The following RBFOX1 variants were observed in gnomAD, a reference collection of about 807,000 sequenced individuals.
The protein encoded by RBFOX1 is RNA binding protein fox-1 homolog 1.
A neutral mutation model predicts 57.7 loss-of-function variants in RBFOX1; 8 were observed. The observed-to-expected ratio is 0.14, with a 90% CI of 0.08 to 0.25. The LOEUF is 0.25. RBFOX1 is among the 10% of genes least tolerant of loss of function. The pLI, the probability that RBFOX1 is intolerant of heterozygous loss-of-function variation, is 1.00. For missense variants in RBFOX1, 611 were observed against 548.5 expected, an observed-to-expected ratio of 1.11 and a Z score of -1.14; for synonymous variants, 326 against 222.4, an observed-to-expected ratio of 1.47 and a Z score of -4.15.
intron 1 of RBFOX1, among the ~76,000 whole-genome samples, chr16:6,151,715 C>G (rs2096799045): frequency 6.6e-6 from 1 of 152,192 alleles, no homozygotes; most frequent in South Asian, 2.1e-4. Context: ...TACACAGGCA[C>G]TGCTGTGAAC....
At chr16:6,614,526 C>A (rs1331679389) in intron 2 of RBFOX1, among the ~76,000 whole-genome samples, 1 of 152,178 alleles carries the variant, frequency 6.6e-6, no homozygotes, top group African/African-American at 2.4e-5. Context: ...GCTGCTGTAA[C>A]TGAGTATCAC....
chr16:7,218,973 C>G (rs1374117408), intron 4 of RBFOX1, among the ~76,000 whole-genome samples: 1 of 151,928 alleles, frequency 6.6e-6, no homozygotes, highest in Non-Finnish European at 1.5e-5. Flanking sequence ...ATTGCTGGTT[C>G]CAAAAAACTG....
At chr16:6,105,801 C>G (rs564219390) in intron 1 of RBFOX1, among the ~76,000 whole-genome samples, 4 of 152,022 alleles carry the variant, frequency 2.6e-5, no homozygotes, top group Admixed American at 1.3e-4. Flanking sequence ...TGTGAGAACT[C>G]AGGCACTTAA....
chr16:6,951,285 T>C (rs1427152718), intron 3 of RBFOX1, among the ~76,000 whole-genome samples: 1 of 152,088 alleles, frequency 6.6e-6, no homozygotes, highest in Admixed American at 6.5e-5. Context: ...TTCTGAGGGG[T>C]CAGTTTCAGC....
At chr16:7,001,447 TGTATATGTATAC>T (rs1178287912) in intron 3 of RBFOX1, among the ~76,000 whole-genome samples, 57 of 143,954 alleles carry the variant, frequency 4.0e-4, no homozygotes, top group Non-Finnish European at 6.3e-4. Flanking sequence ...TATATGTATA[TGTATATGTATAC>T]GTGTATGTAT....
chr16:7,205,159 G>T (rs184516168), intron 4 of RBFOX1, among the ~76,000 whole-genome samples: 1 of 152,080 alleles, frequency 6.6e-6, no homozygotes, highest in Non-Finnish European at 1.5e-5. Context: ...GAGAGACCAA[G>T]AAAAATAGTG....
chr16:5,943,941 TTCCATCCA>T (rs902519503), intron 4 of RBFOX1, among the ~76,000 whole-genome samples: 6 of 150,428 alleles, frequency 4.0e-5, no homozygotes, highest in Non-Finnish European at 7.4e-5. Flanking sequence ...TCCTTCTATT[TTCCATCCA>T]TCCATCCATC....
At chr16:5,858,700 A>G (rs1292801818) in intron 3 of RBFOX1, among the ~76,000 whole-genome samples, 1 of 152,250 alleles carries the variant, frequency 6.6e-6, no homozygotes, top group African/African-American at 2.4e-5. Flanking sequence ...GAAGAATTTT[A>G]AGAGACATTT....
At chr16:5,377,522 G>T (rs1420031408) in intron 1 of RBFOX1, among the ~76,000 whole-genome samples, 2 of 149,150 alleles carry the variant, frequency 1.3e-5, no homozygotes, top group Non-Finnish European at 3.0e-5. Context: ...TGTGGGAGGG[G>T]AGGAAGAAGG....
chr16:7,709,379 C>G, intron 15 of RBFOX1: 1 of 1,202,122 alleles, frequency 8.3e-7, no homozygotes, highest in Non-Finnish European at 1.1e-6. Context: ...GAGCACTTAC[C>G]TTAATGGAAT....
intron 1 of RBFOX1, among the ~76,000 whole-genome samples, chr16:6,241,923 C>G (rs948535336): frequency 1.5e-4 from 23 of 152,092 alleles, no homozygotes; most frequent in African/African-American, 5.6e-4. Flanking sequence ...AGGGTTTTCA[C>G]TGATAGGATA....
intron 1 of RBFOX1, among the ~76,000 whole-genome samples, chr16:6,164,025 AG>A: frequency 6.6e-6 from 1 of 152,318 alleles, no homozygotes; most frequent in Non-Finnish European, 1.5e-5. Context: ...TGACGAGAGT[AG>A]TTGAAATCTT....
intron 1 of RBFOX1, among the ~76,000 whole-genome samples, chr16:5,408,437 A>G (rs1415957247): frequency 2.0e-5 from 3 of 152,326 alleles, no homozygotes. Context: ...TGAGCTATTC[A>G]GAGGCCTTAA....
chr16:7,439,274 G>T (rs1197561043), intron 4 of RBFOX1, among the ~76,000 whole-genome samples: 3 of 151,872 alleles, frequency 2.0e-5, no homozygotes, highest in African/African-American at 7.3e-5. Context: ...TCTTCTTCAG[G>T]TGCCAGTGAC....
At position 6,689,741 on chromosome 16, in the gene RBFOX1, A is replaced by G. The variant is rs150747394; in HGVS notation, c.-16+35091A>G. On this transcript the variant is annotated intron_variant, in intron 3 of 15. Coordinates refer to ENST00000550418, the MANE Select transcript of RBFOX1 (RefSeq NM_018723.4). ...TTTGGTTCTTCCCTGAAACTCCCAC[A>G]ACATGGAAATAAACAGAGAGCCCAG... Among the ~76,000 whole-genome samples, 13 of 152,340 alleles carry G rather than the reference A, an allele frequency of 8.5e-5. No homozygotes were observed. In the East Asian group the frequency reaches 1.2e-3, roughly 14 times the overall value.
chr16:5,743,349 G>A (rs2052849813), intron 3 of RBFOX1, among the ~76,000 whole-genome samples: 1 of 152,188 alleles, frequency 6.6e-6, no homozygotes, highest in South Asian at 2.1e-4. Context: ...TACAGGAAGT[G>A]TCAGCTAGAA....
intron 3 of RBFOX1, among the ~76,000 whole-genome samples, chr16:5,655,666 T>C (rs933841643): frequency 6.6e-6 from 1 of 152,170 alleles, no homozygotes; most frequent in African/African-American, 2.4e-5. Context: ...GCAGATGAAA[T>C]GGGAGTGCAT....
In RBFOX1 at chr16:6,782,541, C is replaced by T. The variant is rs73530735; in HGVS notation, c.-16+127891C>T. The stretch of plus-strand genomic sequence containing the variant: ...ATTTTATGTCCCGGGATTTTTATGT[C>T]CAATAAATGCTTATTGATTTCTAGT... On this transcript the variant is annotated intron_variant, in intron 3 of 15. Transcript: ENST00000550418. 5.1e-3 allele frequency among the ~76,000 whole-genome samples: 780 copies of T among 151,938 alleles called. 10 individuals are homozygous for T. The highest frequency in any genetic ancestry group is 0.018 in the African/African-American group (743 of 41,466).
intron 4 of RBFOX1, among the ~76,000 whole-genome samples, chr16:7,236,463 G>C (rs1283314911): frequency 6.6e-6 from 1 of 152,142 alleles, no homozygotes; most frequent in Non-Finnish European, 1.5e-5. Context: ...CAATCTGGCA[G>C]AATCTCTTTC....
Sources: gnomAD v4.1 joint callset for allele counts (sites outside exome capture counted in the v4.1 genomes callset) on GRCh38, gnomAD v4.1.1 for gene constraint, MANE v1.5 for transcripts, NCBI Gene and HGNC (gene_info 2026-07-23, HGNC 2026-07-21) for gene names.